The following HPSE2 variants were observed in gnomAD, a reference collection of about 807,000 sequenced individuals.
The protein encoded by HPSE2 is heparanase 2 (inactive).
HPSE2 carries 38 observed loss-of-function variants against 60.5 expected under a neutral mutation model. That is an observed-to-expected ratio of 0.63 (90% confidence interval 0.48 to 0.82). The LOEUF (loss-of-function observed/expected upper bound fraction) is 0.82, where lower values mean the gene tolerates loss of function less well. Among genes scored for constraint, HPSE2 ranks in the 40% least tolerant of loss-of-function variants. The pLI is 0.00. For synonymous variants in HPSE2, 295 were observed against 293.2 expected, an observed-to-expected ratio of 1.01 and a Z score of -0.06; for missense variants, 713 against 740.4, an observed-to-expected ratio of 0.96 and a Z score of 0.43.
At chr10:98,623,285 A>G (rs180875148) in intron 7 of HPSE2, among the ~76,000 whole-genome samples, 15 of 152,182 alleles carry the variant, frequency 9.9e-5, no homozygotes, top group African/African-American at 3.4e-4. Context: ...CATAGAGACA[A>G]TAAGTAGACT....
chr10:98,884,225 G>A (rs1953103653), intron 3 of HPSE2, among the ~76,000 whole-genome samples: 1 of 152,116 alleles, frequency 6.6e-6, no homozygotes, highest in South Asian at 2.1e-4. Context: ...GGTTCATGAG[G>A]TTTAAGGAAA....
At chr10:99,023,642 C>G (rs980853327) in intron 3 of HPSE2, among the ~76,000 whole-genome samples, 2 of 152,046 alleles carry the variant, frequency 1.3e-5, no homozygotes, top group East Asian at 3.9e-4. Flanking sequence ...TTATGTTGCT[C>G]AGAACAGAGA....
intron 2 of HPSE2, among the ~76,000 whole-genome samples, chr10:99,185,054 C>T (rs1464495799): frequency 6.6e-6 from 1 of 151,638 alleles, no homozygotes; most frequent in Non-Finnish European, 1.5e-5. Context: ...AATCCCAGCA[C>T]TTTGGGAGGC....
chr10:99,037,618 TAAG>T (rs1470528710), intron 3 of HPSE2, among the ~76,000 whole-genome samples: 5 of 151,786 alleles, frequency 3.3e-5, no homozygotes, highest in African/African-American at 4.8e-5. Flanking sequence ...TTGTGATTTA[TAAG>T]AAGGAGAAAG....
rs117790471 is a variant in HPSE2 at position 99,063,814 on chromosome 10, C to T, written c.610+80424G>A. 1.5e-3 allele frequency among the ~76,000 whole-genome samples: 227 copies of T among 152,196 alleles called. 3 individuals are homozygous for T. In the East Asian group the frequency reaches 0.038, roughly 26 times the overall value. On this transcript the variant is annotated intron_variant, in intron 3 of 11. Coordinates refer to ENST00000370552, the MANE Select transcript of HPSE2 (RefSeq NM_021828.5). ...GTGCATATAAAAAGGTCTGGAAGGC[C>T]GGGCGCAGTGGCTTACACCTGTAAT...
At chr10:98,895,272 A>G (rs1011682041) in intron 3 of HPSE2, among the ~76,000 whole-genome samples, 8 of 152,176 alleles carry the variant, frequency 5.3e-5, no homozygotes, top group African/African-American at 1.7e-4. Flanking sequence ...TAGAAAATAC[A>G]GAGAGTTGAA....
At chr10:98,752,196 A>C (rs11189799) in intron 3 of HPSE2, among the ~76,000 whole-genome samples, 5,753 of 152,302 alleles carry the variant, frequency 0.038, 237 homozygotes, top group East Asian at 0.17. Context: ...TGAAAAGGAT[A>C]GAAAAATATG....
At chr10:98,578,969 T>C (rs1944715267) in intron 9 of HPSE2, among the ~76,000 whole-genome samples, 1 of 152,238 alleles carries the variant, frequency 6.6e-6, no homozygotes, top group African/African-American at 2.4e-5. Context: ...GAAAAAAGAC[T>C]TTCCAAAGCC....
At chr10:98,603,891 C>A (rs1043704205) in intron 9 of HPSE2, among the ~76,000 whole-genome samples, 2 of 152,034 alleles carry the variant, frequency 1.3e-5, no homozygotes, top group African/African-American at 4.8e-5. Context: ...CAACTCCAGC[C>A]CACTCTAGCC....
Position 98,693,963 on chromosome 10 carries a change from A to G in HPSE2, c.957-16T>C, listed in dbSNP as rs776344674. 7.6e-6 allele frequency: 12 copies of G among 1,570,548 alleles called. No individual in the cohort carries two copies. The highest frequency in any genetic ancestry group is 1.0e-5 in the Non-Finnish European group (12 of 1,148,762). ...CTTCATGAATCTGTAAGGAATAGAA[A>G]GAAAAAAGATATTACAACTTAGATT... is the stretch of plus-strand genomic sequence containing the variant. On this transcript the variant is annotated splice_polypyrimidine_tract_variant and intron_variant, in intron 5 of 11. Transcript: ENST00000370552.
At chr10:99,269,049 C>T in the HPSE2 span, among the ~76,000 whole-genome samples, 1 of 151,974 alleles carries the variant, frequency 6.6e-6, no homozygotes, top group South Asian at 2.1e-4. Context: ...ATCCCAGTTA[C>T]TTGAGGGTCC....
the HPSE2 span, among the ~76,000 whole-genome samples, chr10:99,298,446 C>A: frequency 2.0e-5 from 3 of 152,214 alleles, no homozygotes; most frequent in Non-Finnish European, 4.4e-5. Context: ...AACCCAAAAG[C>A]CTTGCCACTA....
intron 9 of HPSE2, among the ~76,000 whole-genome samples, chr10:98,521,098 A>T (rs1228290117): frequency 1.3e-5 from 2 of 152,240 alleles, no homozygotes; most frequent in Admixed American, 6.5e-5. Context: ...TTCATGTCTA[A>T]AACACCAAAA....
At chr10:99,305,971 G>GCACA in the HPSE2 span, among the ~76,000 whole-genome samples, 873 of 41,856 alleles carry the variant, frequency 0.021, 8 homozygotes, top group Non-Finnish European at 0.027. Context: ...ACGCGCGCGC[G>GCACA]CGCGCGCGCA....
At chr10:99,144,727 T>C (rs1241668852) in intron 2 of HPSE2, among the ~76,000 whole-genome samples, 2 of 152,162 alleles carry the variant, frequency 1.3e-5, no homozygotes, top group Non-Finnish European at 2.9e-5. Flanking sequence ...ATCTTACCGT[T>C]TTCCATGGGA....
intron 2 of HPSE2, among the ~76,000 whole-genome samples, chr10:99,169,365 C>T (rs1342522154): frequency 6.6e-6 from 1 of 150,628 alleles, no homozygotes; most frequent in Non-Finnish European, 1.5e-5. Context: ...ATTAGCCGGG[C>T]GTGGTGGCAT....
intron 5 of HPSE2, among the ~76,000 whole-genome samples, chr10:98,700,055 T>A (rs1237108590): frequency 1.3e-5 from 2 of 151,566 alleles, no homozygotes; most frequent in Admixed American, 1.3e-4. Context: ...ATCATGAAAA[T>A]GGCCATACTG....
intron 3 of HPSE2, among the ~76,000 whole-genome samples, chr10:99,093,191 G>A (rs937319956): frequency 6.6e-6 from 1 of 151,940 alleles, no homozygotes; most frequent in Non-Finnish European, 1.5e-5. Flanking sequence ...TCGTGCCACT[G>A]TACCTCCAGC....
Position 98,730,826 on chromosome 10 carries a change from T to C in HPSE2, c.785-8998A>G, listed in dbSNP as rs532207455. ...CCCATTGAGGTAGTAATTAAAAATCTTTCCACAAAGAAAGCCCAGATCCGT... is the reference window on the plus strand; with the variant it reads ...CCCATTGAGGTAGTAATTAAAAATCCTTCCACAAAGAAAGCCCAGATCCGT... On this transcript the variant is annotated intron_variant, in intron 4 of 11. Coordinates refer to ENST00000370552, the MANE Select transcript of HPSE2 (RefSeq NM_021828.5). Among the ~76,000 whole-genome samples, 10 of 152,348 alleles carry C rather than the reference T, an allele frequency of 6.6e-5. No homozygotes were observed. In the South Asian group the frequency reaches 2.1e-3, roughly 32 times the overall value.
Sources: gnomAD v4.1 joint callset for allele counts (sites outside exome capture counted in the v4.1 genomes callset) on GRCh38, gnomAD v4.1.1 for gene constraint, MANE v1.5 for transcripts, NCBI Gene and HGNC (gene_info 2026-07-23, HGNC 2026-07-21) for gene names.